The following LTBP2 variants were observed in gnomAD, a reference collection of about 807,000 sequenced individuals.
The protein encoded by LTBP2 is latent-transforming growth factor beta-binding protein 2.
Under a neutral mutation model 210.6 loss-of-function variants are expected in LTBP2, and 103 were observed. That is an observed-to-expected ratio of 0.49 (90% CI 0.42 to 0.58). LTBP2 has a LOEUF of 0.58. LTBP2 is among the 20% of genes least tolerant of loss of function. The pLI is 0.00. For missense variants in LTBP2, 2,313 were observed against 2,494.5 expected (o/e 0.93, Z 1.55); for synonymous variants, 1,007 against 1,015.0 (o/e 0.99, Z 0.15).
intron 21 of LTBP2, 80 bp from the exon 22 acceptor site, chr14:74,509,443 CCT>C: frequency 6.3e-7 from 1 of 1,594,050 alleles, no homozygotes; most frequent in Non-Finnish European, 8.6e-7. Context: ...CCGTGGCTTC[CCT>C]CTCTGAGCCC....
At chr14:74,568,737 A>C (rs1192150588) in intron 3 of LTBP2, among the ~76,000 whole-genome samples, 1 of 152,160 alleles carries the variant, frequency 6.6e-6, no homozygotes, top group Non-Finnish European at 1.5e-5. Context: ...TCACATAGTC[A>C]ATGACTAGGA....
intron 2 of LTBP2, among the ~76,000 whole-genome samples, chr14:74,590,570 C>G (rs142146095): frequency 6.6e-6 from 1 of 151,778 alleles, no homozygotes; most frequent in East Asian, 1.9e-4. Flanking sequence ...CCAGCATGGG[C>G]GACAGTGAGA....
In LTBP2 at chr14:74,507,953, C is replaced by A; in HGVS notation, c.3775+20G>T. 6.2e-7 allele frequency: 1 copy of A among 1,612,262 alleles called. No individual in the cohort carries two copies. On this transcript the variant is annotated intron_variant, in intron 25 of 35. Transcript: ENST00000261978. ...GGCAGATGTGGGCAGAGCCCTGTGC[C>A]CTCCCCCCAGAGCCCTTACCCACAC...
intron 24 of LTBP2, among the ~76,000 whole-genome samples, chr14:74,508,300 C>T (rs929240830): frequency 1.3e-5 from 2 of 152,064 alleles, no homozygotes; most frequent in Non-Finnish European, 2.9e-5. Flanking sequence ...GGGACTGGAG[C>T]TCTGTAAAGG....
chr14:74,587,002 C>G (rs543262957), intron 2 of LTBP2, among the ~76,000 whole-genome samples: 1 of 152,226 alleles, frequency 6.6e-6, no homozygotes, highest in Non-Finnish European at 1.5e-5. Context: ...CCCTATGCAG[C>G]ATTAGCCACC....
intron 3 of LTBP2, among the ~76,000 whole-genome samples, chr14:74,562,245 T>C (rs2087803678): frequency 6.7e-6 from 1 of 149,596 alleles, no homozygotes; most frequent in Admixed American, 6.7e-5. Flanking sequence ...AAAAGAAAAA[T>C]AACATAAGAA....
intron 33 of LTBP2, 41 bp downstream of exon 33, chr14:74,503,178 C>G (rs772106974): frequency 6.2e-7 from 1 of 1,609,398 alleles, no homozygotes; most frequent in Non-Finnish European, 8.5e-7. Flanking sequence ...TCCCTGGGGC[C>G]TGGCCCAGCC....
intron 3 of LTBP2, among the ~76,000 whole-genome samples, chr14:74,579,379 G>A (rs1294174159): frequency 6.6e-6 from 1 of 152,230 alleles, no homozygotes; most frequent in Admixed American, 6.5e-5. Context: ...CAACAGGAAA[G>A]TTAGTCAAGG....
At chr14:74,518,373 G>A (rs2087161024) in intron 17 of LTBP2, among the ~76,000 whole-genome samples, 2 of 152,142 alleles carry the variant, frequency 1.3e-5, no homozygotes, top group African/African-American at 4.8e-5. Flanking sequence ...GCCCCAGCCT[G>A]CTTCTCATCT....
rs749802529 is a variant in LTBP2, at chr14:74,509,804, C to T, written c.3207G>A (p.Thr1069=). The change falls in exon 21 of 36, where the codon ACG becomes ACA. Residue 1069 remains threonine (T), a synonymous_variant. Coordinates refer to ENST00000261978, the MANE Select transcript of LTBP2 (RefSeq NM_000428.3). The stretch of plus-strand genomic sequence containing the variant: ...AGGCAGAGCAGGCGAAGGAGCCCTC[C>T]GTGTTGAGGCAGAGGCCTGTGGGGC... ...ASCPTGLCLN[T]EGSFACSACE... 9.9e-6 allele frequency: 16 copies of T among 1,613,980 alleles called. No homozygotes were observed. Among genetic ancestry groups the T allele is most frequent in the East Asian group, 8.9e-5 (4 of 44,902 alleles).
At chr14:74,560,967 G>A (rs929846468) in intron 3 of LTBP2, among the ~76,000 whole-genome samples, 5 of 152,176 alleles carry the variant, frequency 3.3e-5, no homozygotes, top group Middle Eastern at 3.4e-3. Context: ...AATTCCCTGT[G>A]GATATCGAGG....
intron 3 of LTBP2, among the ~76,000 whole-genome samples, chr14:74,567,122 G>C (rs61980890): frequency 0.066 from 10,004 of 152,260 alleles, 378 homozygotes; most frequent in Middle Eastern, 0.095. Context: ...TGAGCTCTGC[G>C]TGTCGGGGTT....
At chr14:74,532,089 C>T (rs978151078) in intron 10 of LTBP2, among the ~76,000 whole-genome samples, 2 of 152,092 alleles carry the variant, frequency 1.3e-5, no homozygotes, top group African/African-American at 2.4e-5. Flanking sequence ...GCCACCCCCA[C>T]CACCTCCCGC....
chr14:74,549,839 G>C (rs761876387), intron 8 of LTBP2, 24 bp downstream of exon 8: 2 of 1,592,770 alleles, frequency 1.3e-6, no homozygotes, highest in Admixed American at 1.7e-5. Flanking sequence ...TCCACAACAC[G>C]TGACCTTGGA....
At chr14:74,535,087 A>G (rs1002788771) in intron 9 of LTBP2, among the ~76,000 whole-genome samples, 1 of 152,038 alleles carries the variant, frequency 6.6e-6, no homozygotes, top group Non-Finnish European at 1.5e-5. Context: ...CTGGCTCCTG[A>G]GGGAGTCTGA....
At chr14:74,525,010 T>G (rs1287075588) in intron 15 of LTBP2, 114 bp downstream of exon 15, 2 of 522,188 alleles carry the variant, frequency 3.8e-6, no homozygotes, top group Non-Finnish European at 6.6e-6. Context: ...GGACTTTACC[T>G]AGTTGGAAAG....
At chr14:74,564,276 TA>T (rs1387435784) in intron 3 of LTBP2, among the ~76,000 whole-genome samples, 1 of 33,080 alleles carries the variant, frequency 3.0e-5, no homozygotes, top group African/African-American at 1.2e-4. Context: ...TATATATTTA[TA>T]TATATATTTA....
At chr14:74,528,096 G>A (rs568495334) in intron 12 of LTBP2, among the ~76,000 whole-genome samples, 45 of 152,304 alleles carry the variant, frequency 3.0e-4, no homozygotes, top group Admixed American at 7.2e-4. Flanking sequence ...TCCAAGGCCG[G>A]GCCAGGGGTC....
chr14:74,522,951 C>CA (rs767198201), intron 15 of LTBP2, 33 bp from the exon 16 acceptor site: 1 of 1,603,324 alleles, frequency 6.2e-7, no homozygotes. Flanking sequence ...GAGGTTATGG[C>CA]AGGGTGGGTG....
Sources: gnomAD v4.1 joint callset for allele counts (sites outside exome capture counted in the v4.1 genomes callset) on GRCh38, gnomAD v4.1.1 for gene constraint, MANE v1.5 for transcripts, NCBI Gene and HGNC (gene_info 2026-07-23, HGNC 2026-07-21) for gene names.